Variants in KCNQ1OT1 observed in about 807,000 individuals in gnomAD.
KCNQ1OT1 encodes KCNQ1 opposite strand/antisense transcript 1, also known as KCNQ1 antisense RNA 2 (non-protein coding).
At chr11:2,633,996 G>C (rs973659468) in exon 1 of KCNQ1OT1, 2 of 398,604 alleles carry the variant, frequency 5.0e-6, no homozygotes, top group Non-Finnish European at 8.8e-6. Flanking sequence ...AGAGTCGACT[G>C]TATTTTGATG....
At position 2,617,543 on chromosome 11, in the gene KCNQ1OT1, T is replaced by G. The variant is rs773668624; in HGVS notation, n.82452A>C. The stretch of plus-strand genomic sequence containing the variant: ...GAATATAGGAGCGCAGATATCTTTA[T>G]GAGGTGGAGATTTCATTTTCTTTGG... On this transcript the variant is annotated non_coding_transcript_exon_variant, in exon 1 of 1. Coordinates refer to ENST00000597346, the Ensembl canonical transcript of KCNQ1OT1. The surrounding 1 kb of genome is among the most constrained non-coding windows in gnomAD (Gnocchi z 4.6). 7.5e-6 allele frequency: 3 copies of G among 398,490 alleles called. No individual in the cohort carries two copies. Among genetic ancestry groups the G allele is most frequent in the Non-Finnish European group, 1.3e-5 (3 of 225,966 alleles). 24.7% of individuals were successfully genotyped at this position (398,490 alleles called of 1,614,324 possible).
chr11:2,616,861 T>C (rs1044578033), exon 1 of KCNQ1OT1: 3 of 398,276 alleles, frequency 7.5e-6, no homozygotes, highest in Non-Finnish European at 1.3e-5. Context: ...TGTAGTTGGG[T>C]GGAGTGTCCA....
At chr11:2,622,558 A>G in exon 1 of KCNQ1OT1, 1 of 398,472 alleles carries the variant, frequency 2.5e-6, no homozygotes, top group Non-Finnish European at 4.4e-6. Flanking sequence ...CTTACTTATA[A>G]AAAAGAAGTT....
chr11:2,610,009 A>G (rs1848952601), exon 1 of KCNQ1OT1: 1 of 397,812 alleles, frequency 2.5e-6, no homozygotes, highest in Non-Finnish European at 4.4e-6. Flanking sequence ...ATTCACATTT[A>G]ATATTATTAT....
rs1051607999 is a variant in KCNQ1OT1, at chr11:2,698,193, A to C, written n.1802T>G. 1.8e-5 allele frequency: 7 copies of C among 398,540 alleles called. No homozygotes were observed. The highest frequency in any genetic ancestry group is 3.1e-5 in the Non-Finnish European group (7 of 226,082). 24.7% of individuals were successfully genotyped at this position (398,540 alleles called of 1,614,324 possible). A position where few individuals can be genotyped will look rare whatever the true frequency, so the allele number is the denominator to read the frequency against. On this transcript the variant is annotated non_coding_transcript_exon_variant, in exon 1 of 1. Transcript: ENST00000597346. The surrounding 1 kb of genome is among the most constrained non-coding windows in gnomAD (Gnocchi z 5.1). ...TTTGGTCTAGCAAAAGGGGCACCAC[A>C]GTAAAGAAAGAACTGGTAAATGCAC...
In KCNQ1OT1 at chr11:2,611,058, C is replaced by T. The variant is rs117387809; in HGVS notation, n.88937G>A. On this transcript the variant is annotated non_coding_transcript_exon_variant, in exon 1 of 1. Coordinates refer to ENST00000597346, the Ensembl canonical transcript of KCNQ1OT1. This position sits in a 1 kb window ranked among gnomAD's most constrained non-coding sequence, Gnocchi z 5.3. ...TCTGACAGTTTTATTTCATATACTT[C>T]AGGGCTGTGTTTTTAGCTGTTATAA... is the stretch of plus-strand genomic sequence containing the variant. The T allele has an allele frequency of 0.018, 7,009 of 398,344 alleles. 261 individuals are homozygous for T. Among genetic ancestry groups the T allele is most frequent in the East Asian group, 0.1 (2,838 of 28,046 alleles). The allele number at this position is 398,344 out of a possible 1,614,324, so 24.7% of individuals were successfully genotyped here.
Position 2,654,418 on chromosome 11 carries a change from C to A in KCNQ1OT1, n.45577G>T. 2.5e-6 allele frequency: 1 copy of A among 398,556 alleles called. No individual in the cohort carries two copies. Among genetic ancestry groups the A allele is most frequent in the Non-Finnish European group, 4.4e-6 (1 of 226,126 alleles). The allele number at this position is 398,556 out of a possible 1,614,324, so 24.7% of individuals were successfully genotyped here. A position where few individuals can be genotyped will look rare whatever the true frequency, so the allele number is the denominator to read the frequency against. ...TCGCCTGTGCCAAACCCTGGGGAGA[C>A]ATGGGTGAGGCAGAAGGCAAGGTTC... On this transcript the variant is annotated non_coding_transcript_exon_variant, in exon 1 of 1. Coordinates refer to ENST00000597346, the Ensembl canonical transcript of KCNQ1OT1. The surrounding 1 kb of genome is among the most constrained non-coding windows in gnomAD (Gnocchi z 6.4).
exon 1 of KCNQ1OT1, chr11:2,622,864 T>G: frequency 2.5e-6 from 1 of 398,672 alleles, no homozygotes; most frequent in Non-Finnish European, 4.4e-6. Context: ...TTACAACTTA[T>G]GAATCTGCAT....
At chr11:2,696,637 C>G (rs1850681178) in exon 1 of KCNQ1OT1, 1 of 398,532 alleles carries the variant, frequency 2.5e-6, no homozygotes, top group South Asian at 1.3e-4. Context: ...TTGAACTTAA[C>G]AGATTTGGAA....
At chr11:2,622,298 A>G in exon 1 of KCNQ1OT1, 1 of 398,328 alleles carries the variant, frequency 2.5e-6, no homozygotes, top group Non-Finnish European at 4.4e-6. Flanking sequence ...TCAGTATGTA[A>G]TGTCCTCCTT....
chr11:2,661,271 A>G lies in KCNQ1OT1; in HGVS notation n.38724T>C, dbSNP rs995176084. 7.5e-6 allele frequency: 3 copies of G among 399,196 alleles called. No homozygotes were observed. Among genetic ancestry groups the G allele is most frequent in the African/African-American group, 6.2e-5 (3 of 48,644 alleles). The allele number at this position is 399,196 out of a possible 1,614,324, so 24.7% of individuals were successfully genotyped here. A position where few individuals can be genotyped will look rare whatever the true frequency, so the allele number is the denominator to read the frequency against. ...ATAAAATATTTAAATGAAGACAAAT[A>G]TAAGCCAAGAGCAAATACTGATAGT... On this transcript the variant is annotated non_coding_transcript_exon_variant, in exon 1 of 1. Coordinates refer to ENST00000597346, the Ensembl canonical transcript of KCNQ1OT1. The surrounding 1 kb of genome is among the most constrained non-coding windows in gnomAD (Gnocchi z 5.9).
chr11:2,631,340 C>T, exon 1 of KCNQ1OT1: 2 of 398,314 alleles, frequency 5.0e-6, no homozygotes, highest in Non-Finnish European at 8.8e-6. Context: ...TGATGAATTC[C>T]TCCTTCTATT....
Position 2,612,171 on chromosome 11 carries a change from G to A in KCNQ1OT1, n.87824C>T. On this transcript the variant is annotated non_coding_transcript_exon_variant, in exon 1 of 1. Coordinates refer to ENST00000597346, the Ensembl canonical transcript of KCNQ1OT1. This position sits in a 1 kb window ranked among gnomAD's most constrained non-coding sequence, Gnocchi z 5.5. ...TAGAAACTGGGCTACACAGCAGGAG[G>A]TGAGCAGCAGGCAAGCAAGCATTAC... 2.5e-6 allele frequency: 1 copy of A among 398,664 alleles called. No individual in the cohort carries two copies. Among genetic ancestry groups the A allele is most frequent in the East Asian group, 3.6e-5 (1 of 28,080 alleles). 24.7% of individuals were successfully genotyped at this position (398,664 alleles called of 1,614,324 possible). A position where few individuals can be genotyped will look rare whatever the true frequency, so the allele number is the denominator to read the frequency against.
In KCNQ1OT1 at chr11:2,664,787, T is replaced by C. The variant is rs1456981159; in HGVS notation, n.35208A>G. The C allele has an allele frequency of 1.8e-5, 7 of 398,588 alleles. No individual in the cohort carries two copies. Among genetic ancestry groups the C allele is most frequent in the African/African-American group, 1.2e-4 (6 of 48,614 alleles). The allele number at this position is 398,588 out of a possible 1,614,324, so 24.7% of individuals were successfully genotyped here. A position where few individuals can be genotyped will look rare whatever the true frequency, so the allele number is the denominator to read the frequency against. ...AGGGGGCAGAGTGGGTGGGAGGCAG[T>C]TACCAAAAAACATTTCCATTTTTCT... On this transcript the variant is annotated non_coding_transcript_exon_variant, in exon 1 of 1. Coordinates refer to ENST00000597346, the Ensembl canonical transcript of KCNQ1OT1. This position sits in a 1 kb window ranked among gnomAD's most constrained non-coding sequence, Gnocchi z 5.1.
At chr11:2,694,397 A>T (rs952299637) in exon 1 of KCNQ1OT1, 3 of 398,666 alleles carry the variant, frequency 7.5e-6, no homozygotes, top group Non-Finnish European at 1.3e-5. Flanking sequence ...GAGAATTACT[A>T]ATATCAACTA....
exon 1 of KCNQ1OT1, chr11:2,666,773 C>T (rs886830708): frequency 2.0e-5 from 8 of 398,618 alleles, no homozygotes; most frequent in African/African-American, 4.1e-5. Flanking sequence ...TGTCTAAGCT[C>T]CTCACCATAT....
At chr11:2,629,463 G>T (rs1849316771) in exon 1 of KCNQ1OT1, 1 of 398,262 alleles carries the variant, frequency 2.5e-6, no homozygotes, top group African/African-American at 2.1e-5. Flanking sequence ...ATAGTTTTAG[G>T]TCTTACATTT....
chr11:2,660,394 T>A (rs886475664), exon 1 of KCNQ1OT1: 4 of 398,462 alleles, frequency 1.0e-5, no homozygotes, highest in African/African-American at 8.2e-5. Context: ...CTTCCTTTTT[T>A]ATAAAGCAAA....
rs1849168599 is a variant in KCNQ1OT1, at chr11:2,621,310, T to A, written n.78685A>T. The A allele has an allele frequency of 1.0e-5, 4 of 398,556 alleles. No homozygotes were observed. In the South Asian group the frequency reaches 5.1e-4, roughly 51 times the overall value. 24.7% of individuals were successfully genotyped at this position (398,556 alleles called of 1,614,324 possible). A position where few individuals can be genotyped will look rare whatever the true frequency, so the allele number is the denominator to read the frequency against. ...TTGCATTTCTGATTATTAGTGATCA[T>A]GAGAATGTTTTTTTGTTTGGCTACT... On this transcript the variant is annotated non_coding_transcript_exon_variant, in exon 1 of 1. Coordinates refer to ENST00000597346, the Ensembl canonical transcript of KCNQ1OT1. The surrounding 1 kb of genome is among the most constrained non-coding windows in gnomAD (Gnocchi z 5.7).
Sources: gnomAD v4.1 joint callset for allele counts on GRCh38, gnomAD v4.1.1 for gene constraint, Gnocchi (gnomAD v3.1) non-coding constraint, MANE v1.5 for transcripts, NCBI Gene and HGNC (gene_info 2026-07-23, HGNC 2026-07-21) for gene names.